The following LRMDA variants were observed in gnomAD, a reference collection of about 807,000 sequenced individuals.
LRMDA encodes the protein leucine-rich melanocyte differentiation-associated protein.
A neutral mutation model predicts 29.8 loss-of-function variants in LRMDA; 18 were observed. The ratio of observed to expected loss-of-function variants is 0.60; its 90% CI spans 0.42 to 0.90. The LOEUF (loss-of-function observed/expected upper bound fraction) is 0.90. LRMDA is among the 40% of genes least tolerant of loss of function. The pLI is 0.00. For missense variants in LRMDA, 273 were observed against 273.9 expected, an observed-to-expected ratio of 1.00 and a Z score of 0.02; for synonymous variants, 125 against 109.4, an observed-to-expected ratio of 1.14 and a Z score of -0.89.
At chr10:75,809,400 T>C (rs2132269793) in intron 2 of LRMDA, among the ~76,000 whole-genome samples, 1 of 152,204 alleles carries the variant, frequency 6.6e-6, no homozygotes, top group African/African-American at 2.4e-5. Flanking sequence ...TCCCAGCACT[T>C]TGTGAGGCTG....
chr10:76,395,753 C>G (rs1410538708), intron 6 of LRMDA, among the ~76,000 whole-genome samples: 1 of 152,116 alleles, frequency 6.6e-6, no homozygotes, highest in African/African-American at 2.4e-5. Flanking sequence ...TAGGGTAGTA[C>G]CTGGTAGTCA....
At chr10:75,621,176 T>A (rs1173017822) in intron 2 of LRMDA, among the ~76,000 whole-genome samples, 1 of 151,212 alleles carries the variant, frequency 6.6e-6, no homozygotes, top group East Asian at 1.9e-4. Context: ...TTCGTTCCTT[T>A]TTATGGCTGA....
In LRMDA at chr10:75,578,639, T is replaced by G. The variant is rs147628361; in HGVS notation, c.131+140145T>G. Among the ~76,000 whole-genome samples the G allele has an allele frequency of 6.4e-3, 970 of 152,170 alleles. 13 individuals carry two copies. The highest frequency in any genetic ancestry group is 0.022 in the African/African-American group (905 of 41,520). On this transcript the variant is annotated intron_variant, in intron 2 of 6. Transcript: ENST00000611255. ...TCACACTTATTCTTAAATTACCACA[T>G]AATTGGAAGTAAACCACTCCTCAGC...
intron 6 of LRMDA, among the ~76,000 whole-genome samples, chr10:76,348,035 A>G (rs1841130036): frequency 6.6e-6 from 1 of 152,164 alleles, no homozygotes. Flanking sequence ...GAGTGGTGCT[A>G]GGATAGAGCA....
intron 5 of LRMDA, among the ~76,000 whole-genome samples, chr10:76,292,278 G>C (rs1201370660): frequency 1.3e-5 from 2 of 152,142 alleles, no homozygotes; most frequent in African/African-American, 2.4e-5. Flanking sequence ...AGGAATTCGA[G>C]GTGTATATCC....
At chr10:76,002,841 C>T (rs979718093) in intron 2 of LRMDA, among the ~76,000 whole-genome samples, 1 of 152,134 alleles carries the variant, frequency 6.6e-6, no homozygotes, top group African/African-American at 2.4e-5. Context: ...TTGTGCCAGA[C>T]TGCAAAGAGT....
chr10:75,695,152 G>T (rs935629107), intron 2 of LRMDA, among the ~76,000 whole-genome samples: 4 of 151,930 alleles, frequency 2.6e-5, no homozygotes, highest in Non-Finnish European at 5.9e-5. Flanking sequence ...AGGGGTGGGT[G>T]GTGTGTCTTG....
At chr10:75,845,974 A>C (rs1299258275) in intron 2 of LRMDA, among the ~76,000 whole-genome samples, 3 of 152,188 alleles carry the variant, frequency 2.0e-5, no homozygotes, top group Non-Finnish European at 2.9e-5. Context: ...GCAGCCTAGC[A>C]CCAAAGTTGT....
chr10:76,046,303 G>T (rs1424664366), intron 3 of LRMDA, among the ~76,000 whole-genome samples: 2 of 152,114 alleles, frequency 1.3e-5, no homozygotes, highest in African/African-American at 4.8e-5. Flanking sequence ...GTGAATCTAT[G>T]GCTCTTGCTT....
intron 5 of LRMDA, among the ~76,000 whole-genome samples, chr10:76,173,339 A>G (rs1233575694): frequency 6.6e-6 from 1 of 152,242 alleles, no homozygotes; most frequent in Non-Finnish European, 1.5e-5. Flanking sequence ...AAAAAAAATA[A>G]AGGTACAAAC....
intron 5 of LRMDA, among the ~76,000 whole-genome samples, chr10:76,220,860 CA>C (rs1164709797): frequency 6.6e-6 from 1 of 152,076 alleles, no homozygotes; most frequent in Non-Finnish European, 1.5e-5. Flanking sequence ...AACATTGATG[CA>C]AAAATCCTCA....
intron 2 of LRMDA, among the ~76,000 whole-genome samples, chr10:75,676,347 TTAAAC>T (rs1215678753): frequency 6.6e-6 from 1 of 152,254 alleles, no homozygotes; most frequent in Non-Finnish European, 1.5e-5. Flanking sequence ...GATGTGTGTC[TTAAAC>T]TAAACGATAG....
At chr10:76,327,109 T>TTTTGGTTG (rs1840844329) in intron 6 of LRMDA, among the ~76,000 whole-genome samples, 1 of 150,394 alleles carries the variant, frequency 6.6e-6, no homozygotes. Context: ...TTTTTTTTTT[T>TTTTGGTTG]GAGATGGAGC....
rs1847586309 is a variant in LRMDA at position 76,002,973 on chromosome 10, A to T, written c.132-33035A>T. Among the ~76,000 whole-genome samples the T allele has an allele frequency of 3.9e-5, 6 of 152,152 alleles. 1 individual carries two copies. In the South Asian group the frequency reaches 1.2e-3, roughly 32 times the overall value. ...CAATCTGCAGTTTATTTATTTATTT[A>T]TTTTTGCCATTTCCAGAATGGAAAA... On this transcript the variant is annotated intron_variant, in intron 2 of 6. Transcript: ENST00000611255.
chr10:76,524,589 A>G (rs61866937), intron 6 of LRMDA, among the ~76,000 whole-genome samples: 48,095 of 152,096 alleles, frequency 0.32, 8,131 homozygotes, highest in Non-Finnish European at 0.36. Flanking sequence ...GTGGAGGAGA[A>G]ACAGCGTGAT....
chr10:75,736,220 A>G (rs138741615), intron 2 of LRMDA, among the ~76,000 whole-genome samples: 2 of 152,366 alleles, frequency 1.3e-5, no homozygotes, highest in African/African-American at 2.4e-5. Context: ...GCTTTAATTT[A>G]TGTTGTGCTT....
chr10:76,170,487 C>A (rs973259829), intron 5 of LRMDA, among the ~76,000 whole-genome samples: 2 of 152,186 alleles, frequency 1.3e-5, no homozygotes, highest in Non-Finnish European at 2.9e-5. Flanking sequence ...CCTGCTTCAA[C>A]CACTAACTAG....
chr10:76,556,048 T>G (rs1843553040), intron 6 of LRMDA, among the ~76,000 whole-genome samples: 1 of 152,228 alleles, frequency 6.6e-6, no homozygotes, highest in Non-Finnish European at 1.5e-5. Context: ...AAAACAGATT[T>G]TTCCTTGATA....
intron 6 of LRMDA, among the ~76,000 whole-genome samples, chr10:76,527,066 A>AG (rs1344205613): frequency 6.0e-5 from 9 of 149,166 alleles, no homozygotes; most frequent in Non-Finnish European, 1.2e-4. Flanking sequence ...AAAAAAAAAA[A>AG]AAGAAGAGGT....
Sources: gnomAD v4.1 joint callset for allele counts (sites outside exome capture counted in the v4.1 genomes callset) on GRCh38, gnomAD v4.1.1 for gene constraint, MANE v1.5 for transcripts, NCBI Gene and HGNC (gene_info 2026-07-23, HGNC 2026-07-21) for gene names.